Variants in WWOX observed in about 807,000 individuals in gnomAD.
The protein encoded by WWOX is WW domain containing oxidoreductase, also known as WW domain-containing oxidoreductase.
WWOX carries 69 observed loss-of-function variants against 46.2 expected under a neutral mutation model. That is an observed-to-expected ratio of 1.49 (90% confidence interval 1.23 to 1.82). The LOEUF (loss-of-function observed/expected upper bound fraction) is 1.82. Among genes scored for constraint, WWOX ranks in the 40% most tolerant of loss-of-function variants. The pLI is 0.00. For missense variants in WWOX, 919 were observed against 542.6 expected, an observed-to-expected ratio of 1.69 and a Z score of -6.89; for synonymous variants, 359 against 202.6, an observed-to-expected ratio of 1.77 and a Z score of -6.56.
intron 5 of WWOX, among the ~76,000 whole-genome samples, chr16:78,173,202 C>T (rs368476990): frequency 5.9e-5 from 9 of 152,206 alleles, no homozygotes; most frequent in African/African-American, 2.2e-4. Flanking sequence ...GAGGTAGCCC[C>T]AGCTTTGGAG....
chr16:78,728,280 G>C lies in WWOX; in HGVS notation c.1056+295528G>C, dbSNP rs569820950. On this transcript the variant is annotated intron_variant, in intron 8 of 8. Transcript: ENST00000566780. ...GGGTCCCACTGTGTTGCCCAAGCTG[G>C]TCTCAAACTGAACTCCTGAGCTCAA... is the stretch of plus-strand genomic sequence containing the variant. 3.5e-3 allele frequency among the ~76,000 whole-genome samples: 538 copies of C among 151,918 alleles called. 3 individuals are homozygous for C. The highest frequency in any genetic ancestry group is 0.013 in the African/African-American group (520 of 41,432).
At chr16:78,557,378 C>T (rs1224141231) in intron 8 of WWOX, among the ~76,000 whole-genome samples, 1 of 152,180 alleles carries the variant, frequency 6.6e-6, no homozygotes, top group Non-Finnish European at 1.5e-5. Flanking sequence ...TTGGGAATAT[C>T]TCTTAGCCCT....
At chr16:78,810,191 A>G (rs1194221333) in intron 8 of WWOX, among the ~76,000 whole-genome samples, 1 of 152,176 alleles carries the variant, frequency 6.6e-6, no homozygotes, top group Non-Finnish European at 1.5e-5. Flanking sequence ...CCCCTTGCCT[A>G]TACATTTTCA....
At chr16:78,555,975 G>A (rs2044284791) in intron 8 of WWOX, among the ~76,000 whole-genome samples, 1 of 152,152 alleles carries the variant, frequency 6.6e-6, no homozygotes, top group African/African-American at 2.4e-5. Context: ...GGAATCGAGT[G>A]TCATGGAGGG....
At chr16:79,084,273 G>A (rs1368793113) in intron 8 of WWOX, among the ~76,000 whole-genome samples, 1 of 152,120 alleles carries the variant, frequency 6.6e-6, no homozygotes, top group African/African-American at 2.4e-5. Context: ...TGCTAGAGCT[G>A]TACAAAGAGA....
chr16:78,751,461 T>TTATATATATATATATA lies in WWOX; in HGVS notation c.1056+318721_1056+318736dup, dbSNP rs71140824. On this transcript the variant is annotated intron_variant, in intron 8 of 8. Transcript: ENST00000566780. ...AGATTATATATATATTTATCAGATT[T>TTATATATATATATATA]TATATATATATATATATATATATAT... Among the ~76,000 whole-genome samples, 314 of 128,350 alleles carry TTATATATATATATATA rather than the reference T, an allele frequency of 2.4e-3. 2 individuals carry two copies. The highest frequency in any genetic ancestry group is 0.018 in the Middle Eastern group (4 of 226). 84.2% of individuals were successfully genotyped at this position (128,350 alleles called of 152,430 possible). A position where few individuals can be genotyped will look rare whatever the true frequency, so the allele number is the denominator to read the frequency against.
At chr16:78,585,642 G>T (rs1424093814) in intron 8 of WWOX, among the ~76,000 whole-genome samples, 1 of 150,372 alleles carries the variant, frequency 6.7e-6, no homozygotes, top group Non-Finnish European at 1.5e-5. Context: ...TCCGTTTGTT[G>T]TTGCTGTTGT....
At chr16:79,029,832 A>G (rs2151393820) in intron 8 of WWOX, among the ~76,000 whole-genome samples, 1 of 152,316 alleles carries the variant, frequency 6.6e-6, no homozygotes, top group East Asian at 1.9e-4. Flanking sequence ...GATTCATCAA[A>G]CATTGTTTAC....
chr16:78,358,669 AATATGTGTGTG>A (rs1465409639), intron 5 of WWOX, among the ~76,000 whole-genome samples: 2 of 39,624 alleles, frequency 5.0e-5, no homozygotes, highest in Non-Finnish European at 1.5e-4. Flanking sequence ...AAAAATAAAT[AATATGTGTGTG>A]TGTGTGTGTG....
chr16:78,794,854 A>T (rs925443323), intron 8 of WWOX, among the ~76,000 whole-genome samples: 1 of 152,242 alleles, frequency 6.6e-6, no homozygotes, highest in Non-Finnish European at 1.5e-5. Flanking sequence ...GGCTGCTGAC[A>T]CCTGTCTGAC....
chr16:78,773,220 C>A (rs2050107348), intron 8 of WWOX, among the ~76,000 whole-genome samples: 1 of 152,140 alleles, frequency 6.6e-6, no homozygotes, highest in Non-Finnish European at 1.5e-5. Flanking sequence ...TATATTTGTT[C>A]TATTAATAAG....
intron 8 of WWOX, among the ~76,000 whole-genome samples, chr16:78,740,578 G>A (rs1238996645): frequency 6.6e-6 from 1 of 152,182 alleles, no homozygotes; most frequent in Non-Finnish European, 1.5e-5. Context: ...GGTGTGCAGA[G>A]AGCACTCGTC....
At chr16:79,112,198 A>G (rs2150658445) in intron 8 of WWOX, among the ~76,000 whole-genome samples, 1 of 152,254 alleles carries the variant, frequency 6.6e-6, no homozygotes, top group South Asian at 2.1e-4. Context: ...CTTTGTAAGT[A>G]TTATACATGC....
chr16:78,774,330 G>A (rs777566672), intron 8 of WWOX, among the ~76,000 whole-genome samples: 25 of 152,142 alleles, frequency 1.6e-4, no homozygotes, highest in Non-Finnish European at 1.0e-4. Context: ...GAATCAGGGA[G>A]TCGGAGTTTT....
rs1375475451 is a variant in WWOX at position 78,793,287 on chromosome 16, C to T, written c.1056+360535C>T. Among the ~76,000 whole-genome samples, 4 of 152,214 alleles carry T rather than the reference C, an allele frequency of 2.6e-5. No individual in the cohort carries two copies. The East Asian group carries it at 7.7e-4, about 29-fold the overall frequency. Reference sequence around the variant, plus strand: ...TGTTGCACTGGCTGGTCTGGAACTCCTGGGCTCAGGAGATCTGCCTGCCTC... The same window carrying T: ...TGTTGCACTGGCTGGTCTGGAACTCTTGGGCTCAGGAGATCTGCCTGCCTC... On this transcript the variant is annotated intron_variant, in intron 8 of 8. Coordinates refer to ENST00000566780, the MANE Select transcript of WWOX (RefSeq NM_016373.4).
chr16:78,780,803 C>T (rs992734781), intron 8 of WWOX, among the ~76,000 whole-genome samples: 4 of 152,044 alleles, frequency 2.6e-5, no homozygotes, highest in Non-Finnish European at 2.9e-5. Context: ...GATAGGGGAT[C>T]GTGGTGGATA....
At chr16:78,701,898 A>G (rs2048225194) in intron 8 of WWOX, among the ~76,000 whole-genome samples, 1 of 150,880 alleles carries the variant, frequency 6.6e-6, no homozygotes, top group Admixed American at 6.6e-5. Context: ...ATAAAAGGCA[A>G]AGGAAGCCTG....
intron 5 of WWOX, among the ~76,000 whole-genome samples, chr16:78,174,187 C>G (rs2035256034): frequency 6.6e-6 from 1 of 152,194 alleles, no homozygotes; most frequent in African/African-American, 2.4e-5. Flanking sequence ...AGAGGTTTAA[C>G]TGGACTTACA....
At chr16:78,974,944 C>T (rs1275241737) in intron 8 of WWOX, among the ~76,000 whole-genome samples, 1 of 152,140 alleles carries the variant, frequency 6.6e-6, no homozygotes, top group East Asian at 1.9e-4. Flanking sequence ...AATGAGGCCT[C>T]TCCGGACCCA....
Sources: allele counts gnomAD v4.1 joint callset (sites outside exome capture counted in the v4.1 genomes callset), GRCh38; gene constraint gnomAD v4.1.1; transcripts MANE v1.5; gene names NCBI Gene and HGNC (gene_info 2026-07-23, HGNC 2026-07-21).